RALYL: variants seen among roughly 807,000 people sequenced by gnomAD.
RALYL encodes RALY RNA binding protein like.
RALYL carries 29 observed loss-of-function variants against 35.1 expected under a neutral mutation model. That is an observed-to-expected ratio of 0.83 (90% confidence interval 0.61 to 1.13). The LOEUF is 1.13. Among genes scored for constraint, RALYL ranks in the 50% most tolerant of loss-of-function variants. RALYL has a pLI of 0.00. For missense variants in RALYL, 359 were observed against 360.4 expected (o/e 1.00, Z 0.03); for synonymous variants, 120 against 127.6 (o/e 0.94, Z 0.40).
At chr8:84,585,080 A>T (rs899947244) in intron 2 of RALYL, among the ~76,000 whole-genome samples, 1 of 152,096 alleles carries the variant, frequency 6.6e-6, no homozygotes, top group African/African-American at 2.4e-5. Context: ...TTTTAGGTCA[A>T]CCTTCTCCCA....
chr8:84,440,489 C>G (rs190946814), intron 1 of RALYL, among the ~76,000 whole-genome samples: 1 of 152,052 alleles, frequency 6.6e-6, no homozygotes, highest in Non-Finnish European at 1.5e-5. Flanking sequence ...AGAAATCACT[C>G]AGGAAATGCA....
intron 2 of RALYL, among the ~76,000 whole-genome samples, chr8:84,561,887 T>C (rs1349053086): frequency 6.6e-6 from 1 of 152,016 alleles, no homozygotes. Context: ...CCAATTAAAA[T>C]TTTTGAACAA....
intron 3 of RALYL, among the ~76,000 whole-genome samples, chr8:84,803,965 C>G (rs1230577271): frequency 1.3e-5 from 2 of 152,152 alleles, no homozygotes; most frequent in Non-Finnish European, 2.9e-5. Flanking sequence ...TATAATGAAA[C>G]TAGCGTGGCC....
At chr8:84,286,219 C>T (rs776421110) in intron 1 of RALYL, among the ~76,000 whole-genome samples, 6 of 152,072 alleles carry the variant, frequency 3.9e-5, no homozygotes, top group Non-Finnish European at 7.4e-5. Context: ...TGAGCCACTG[C>T]GCCTGGCCGA....
At chr8:84,205,923 G>C (rs930149688) in intron 1 of RALYL, among the ~76,000 whole-genome samples, 1 of 152,100 alleles carries the variant, frequency 6.6e-6, no homozygotes, top group Non-Finnish European at 1.5e-5. Flanking sequence ...CTGTCTCCTT[G>C]GCTTGCAGAT....
At chr8:84,524,241 A>T (rs921136059) in intron 1 of RALYL, among the ~76,000 whole-genome samples, 5 of 152,186 alleles carry the variant, frequency 3.3e-5, no homozygotes, top group Non-Finnish European at 7.3e-5. Context: ...AATGAACTCA[A>T]ACAGATTTAC....
At chr8:84,251,546 A>G (rs1057265267) in intron 1 of RALYL, among the ~76,000 whole-genome samples, 9 of 152,110 alleles carry the variant, frequency 5.9e-5, no homozygotes, top group Admixed American at 4.6e-4. Context: ...CTGATACTAA[A>G]CAAACACACC....
chr8:84,338,111 T>C (rs1387509312), intron 1 of RALYL, among the ~76,000 whole-genome samples: 2 of 152,072 alleles, frequency 1.3e-5, no homozygotes, highest in Non-Finnish European at 2.9e-5. Flanking sequence ...TTTCTTGTTA[T>C]TTTAAATACT....
chr8:84,754,321 C>G (rs1470046907), intron 2 of RALYL, among the ~76,000 whole-genome samples: 1 of 152,018 alleles, frequency 6.6e-6, no homozygotes, highest in East Asian at 1.9e-4. Context: ...TCTATTGCTA[C>G]CAATTACAAT....
intron 1 of RALYL, among the ~76,000 whole-genome samples, chr8:84,484,405 CAG>C (rs1274368630): frequency 6.6e-6 from 1 of 151,912 alleles, no homozygotes; most frequent in African/African-American, 2.4e-5. Context: ...ATAGGATAAC[CAG>C]AGAGGCAATG....
At chr8:84,511,624 T>C (rs2057630516) in intron 1 of RALYL, among the ~76,000 whole-genome samples, 1 of 152,196 alleles carries the variant, frequency 6.6e-6, no homozygotes, top group Admixed American at 6.5e-5. Context: ...CATTCTACTG[T>C]GCTATCAATA....
intron 2 of RALYL, among the ~76,000 whole-genome samples, chr8:84,662,976 G>A (rs1831214233): frequency 6.6e-6 from 1 of 151,816 alleles, no homozygotes; most frequent in Admixed American, 6.6e-5. Flanking sequence ...TCTTATTAAT[G>A]CTCTCCCTCC....
chr8:84,466,352 T>G (rs1252192), intron 1 of RALYL, among the ~76,000 whole-genome samples: 4,583 of 137,376 alleles, frequency 0.033, 85 homozygotes, highest in Middle Eastern at 0.059. Flanking sequence ...TTTAGCATGA[T>G]GGGTTGTTGA....
rs60532162 is a variant in RALYL, at chr8:84,406,061, T to TAA, written c.-23-123224_-23-123223dup. 6.9e-3 allele frequency among the ~76,000 whole-genome samples: 877 copies of TAA among 127,290 alleles called. 8 individuals carry two copies. Among genetic ancestry groups the TAA allele is most frequent in the African/African-American group, 0.02 (699 of 35,292 alleles). 83.5% of individuals were successfully genotyped at this position (127,290 alleles called of 152,430 possible). On this transcript the variant is annotated intron_variant, in intron 1 of 8. Transcript: ENST00000521268. ...ATTCTGTACCATTTCATACCTAAAG[T>TAA]AAAAAAAAAAAAAAAGAATAACAAA...
chr8:84,689,915 A>G (rs2132130372), intron 2 of RALYL, among the ~76,000 whole-genome samples: 1 of 152,286 alleles, frequency 6.6e-6, no homozygotes, highest in African/African-American at 2.4e-5. Flanking sequence ...TGTGGAAAAA[A>G]AACAGTTTTA....
chr8:84,702,265 T>C (rs1840320839), intron 2 of RALYL, among the ~76,000 whole-genome samples: 1 of 152,122 alleles, frequency 6.6e-6, no homozygotes, highest in Non-Finnish European at 1.5e-5. Context: ...AGTGACACCA[T>C]AGAGCCCTTT....
intron 1 of RALYL, among the ~76,000 whole-genome samples, chr8:84,335,957 A>G (rs1349235268): frequency 6.6e-6 from 1 of 152,092 alleles, no homozygotes; most frequent in African/African-American, 2.4e-5. Flanking sequence ...CAAATGAAGA[A>G]AAAGTTTAAT....
intron 1 of RALYL, among the ~76,000 whole-genome samples, chr8:84,208,508 G>A (rs967275807): frequency 4.6e-5 from 7 of 152,156 alleles, no homozygotes; most frequent in Admixed American, 2.6e-4. Flanking sequence ...TAATGCCCTC[G>A]GAAGGAGCGT....
chr8:84,700,551 C>T (rs1589089402), intron 2 of RALYL, among the ~76,000 whole-genome samples: 1 of 152,186 alleles, frequency 6.6e-6, no homozygotes, highest in Non-Finnish European at 1.5e-5. Context: ...TTCTGGAAAT[C>T]GTTATTTTTC....
Sources: allele counts gnomAD v4.1 joint callset (sites outside exome capture counted in the v4.1 genomes callset), GRCh38; gene constraint gnomAD v4.1.1; transcripts MANE v1.5; gene names NCBI Gene and HGNC (gene_info 2026-07-23, HGNC 2026-07-21).